TECTA: variants seen among roughly 807,000 people sequenced by gnomAD.
The protein encoded by TECTA is alpha-tectorin.
In TECTA, 128 loss-of-function variants were observed where a neutral mutation model predicts 216.8. The observed-to-expected ratio is 0.59, with a 90% CI of 0.51 to 0.68. TECTA has a LOEUF of 0.68. Ranked by LOEUF, TECTA falls within the 30% of genes least tolerant of loss-of-function variation. The pLI is 0.00. For missense variants in TECTA, 2,551 were observed against 2,786.2 expected (o/e 0.92, Z 1.90); for synonymous variants, 1,089 against 1,117.1 (o/e 0.97, Z 0.50).
intron 20 of TECTA, among the ~76,000 whole-genome samples, chr11:121,178,940 T>G (rs112580285): frequency 0.033 from 5,020 of 152,254 alleles, 89 homozygotes; most frequent in Non-Finnish European, 0.051. Flanking sequence ...AGTATTATCT[T>G]CTTTTTTATT....
intron 21 of TECTA, 87 bp downstream of exon 21, chr11:121,188,081 C>G (rs887838408): frequency 1.0e-5 from 15 of 1,447,598 alleles, no homozygotes; most frequent in Non-Finnish European, 1.4e-5. Context: ...GCCAGGTGAC[C>G]GGACTGGAAT....
At chr11:121,183,277 G>A (rs1185814046) in intron 20 of TECTA, among the ~76,000 whole-genome samples, 2 of 152,136 alleles carry the variant, frequency 1.3e-5, no homozygotes, top group African/African-American at 2.4e-5. Flanking sequence ...GGCTGGGCTC[G>A]CAACATGGCA....
intron 20 of TECTA, among the ~76,000 whole-genome samples, chr11:121,173,718 T>A (rs1947136749): frequency 6.6e-6 from 1 of 151,856 alleles, no homozygotes; most frequent in Admixed American, 6.6e-5. Flanking sequence ...TTTTTCCAAT[T>A]CTGTGAAGAA....
chr11:121,101,915 A>C (rs1221814230), intron 1 of TECTA, among the ~76,000 whole-genome samples: 3 of 152,234 alleles, frequency 2.0e-5, no homozygotes, highest in Non-Finnish European at 1.5e-5. Context: ...AACCGATTGT[A>C]AACTAACACG....
In TECTA at chr11:121,160,433, G is replaced by A. The variant is rs1946987863; in HGVS notation, c.4976+12G>A. On this transcript the variant is annotated intron_variant, in intron 15 of 23. Transcript: ENST00000392793. The stretch of plus-strand genomic sequence containing the variant: ...GGCATGCAGAAGAGGTGAGGGTGTA[G>A]GAGTTCAAGCCACTAGACTTGGTGG... The A allele has an allele frequency of 3.1e-6, 5 of 1,606,898 alleles. No individual in the cohort carries two copies. The highest frequency in any genetic ancestry group is 4.2e-6 in the Non-Finnish European group (5 of 1,179,734).
chr11:121,123,471 G>A (rs1946578980), intron 7 of TECTA, among the ~76,000 whole-genome samples: 1 of 152,048 alleles, frequency 6.6e-6, no homozygotes, highest in African/African-American at 2.4e-5. Flanking sequence ...CACCTCCCTG[G>A]ACTCCTGCAG....
At chr11:121,180,494 G>C (rs1169721947) in intron 20 of TECTA, among the ~76,000 whole-genome samples, 3 of 152,142 alleles carry the variant, frequency 2.0e-5, no homozygotes, top group African/African-American at 7.2e-5. Flanking sequence ...CTGTTGGTCT[G>C]ATGGGGTTCT....
intron 19 of TECTA, chr11:121,168,424 C>A: frequency 1.2e-6 from 1 of 828,920 alleles, no homozygotes; most frequent in Non-Finnish European, 1.9e-6. Flanking sequence ...AATGTGGTGG[C>A]TACATGTGGC....
chr11:121,149,640 G>T (rs931659960), intron 12 of TECTA, among the ~76,000 whole-genome samples: 29 of 152,182 alleles, frequency 1.9e-4, no homozygotes, highest in African/African-American at 5.8e-4. Flanking sequence ...GCAGAGCGAG[G>T]CCTCAAATCC....
chr11:121,150,439 G>A (rs1158819445), intron 12 of TECTA, among the ~76,000 whole-genome samples: 2 of 152,014 alleles, frequency 1.3e-5, no homozygotes, highest in African/African-American at 4.8e-5. Context: ...ATCTTGCAGT[G>A]GAGAGAACAT....
At chr11:121,131,560 A>G (rs1412864722) in intron 10 of TECTA, among the ~76,000 whole-genome samples, 1 of 152,360 alleles carries the variant, frequency 6.6e-6, no homozygotes, top group Non-Finnish European at 1.5e-5. Flanking sequence ...TGCCATTGAT[A>G]CAATACTATT....
chr11:121,171,721 T>C (rs1295624142), intron 20 of TECTA, among the ~76,000 whole-genome samples: 2 of 152,306 alleles, frequency 1.3e-5, no homozygotes, highest in East Asian at 3.9e-4. Context: ...GCTAGTTCAT[T>C]ATTGGTGTAT....
chr11:121,178,853 A>AT (rs1387866273), intron 20 of TECTA, among the ~76,000 whole-genome samples: 1 of 151,694 alleles, frequency 6.6e-6, no homozygotes, highest in Non-Finnish European at 1.5e-5. Flanking sequence ...GAATCTATCC[A>AT]TTTTCTGTAG....
Position 121,125,285 on chromosome 11 carries a change from A to G in TECTA, c.1204-17A>G, listed in dbSNP as rs1207138783. The G allele has an allele frequency of 1.2e-6, 2 of 1,609,916 alleles. No individual in the cohort carries two copies. Among genetic ancestry groups the G allele is most frequent in the Admixed American group, 1.7e-5 (1 of 60,026 alleles). On this transcript the variant is annotated splice_polypyrimidine_tract_variant and intron_variant, in intron 7 of 23. Transcript: ENST00000392793. ...GGCACCTGCTCACCTGCCTTTCACT[A>G]TTACTGTTGTTGGCAGGTTAATGAC...
In TECTA at chr11:121,189,047, G is replaced by A. The variant is rs765385917; in HGVS notation, c.6163-33G>A. 5 of 1,607,946 alleles carry A rather than the reference G, an allele frequency of 3.1e-6. No individual in the cohort carries two copies. The Admixed American group carries it at 5.0e-5, about 16-fold the overall frequency. ...AAGAATAAGTTATCAGCTTAATTGT[G>A]TGAAAATTTCCCCCTGGTATTCTGT... On this transcript the variant is annotated intron_variant, in intron 21 of 23. Transcript: ENST00000392793.
chr11:121,125,611 G>A lies in TECTA; in HGVS notation c.1513G>A (p.Asp505Asn), dbSNP rs770474140. ...CTGGAAGTGCGACTCCGGCTGCGTC[G>A]ACAACTGCACCCAGTGCGACGCTGC... The part of the protein sequence containing the change: ...ADWKCDSGCV[D>N]NCTQCDAATE... Residue 505 changes from aspartate (D) to asparagine (N), a missense_variant, in exon 8 of 24, where the codon GAC (aspartate) becomes AAC (asparagine). Physicochemically the swap from Asp to Asn is conservative, Grantham distance 23. This residue lies in a region of TECTA where 2,375 missense variants were observed against 2,563.9 expected (regional missense o/e 0.93). Transcript: ENST00000392793. 1.9e-5 allele frequency: 31 copies of A among 1,613,584 alleles called. No individual in the cohort carries two copies. Among genetic ancestry groups the A allele is most frequent in the East Asian group, 1.1e-4 (5 of 44,888 alleles).
At chr11:121,155,704 C>T (rs565236498) in intron 13 of TECTA, among the ~76,000 whole-genome samples, 9 of 152,244 alleles carry the variant, frequency 5.9e-5, no homozygotes, top group Non-Finnish European at 8.8e-5. Flanking sequence ...TTCTGGATAA[C>T]GCTATTTTGG....
In TECTA at chr11:121,189,900, G is replaced by A; in HGVS notation, c.6367+20G>A. ...GCAGAGGTAGACACTCTTCTACCCT[G>A]GGGCAGGCAGCTGGGAGACACGGGA... On this transcript the variant is annotated intron_variant, in intron 23 of 23. Transcript: ENST00000392793. 7 of 1,592,840 alleles carry A rather than the reference G, an allele frequency of 4.4e-6. No individual in the cohort carries two copies. The Middle Eastern group carries it at 1.1e-3, about 243-fold the overall frequency.
chr11:121,165,184 A>T, intron 16 of TECTA, 89 bp from the exon 17 acceptor site: 2 of 1,247,372 alleles, frequency 1.6e-6, no homozygotes, highest in Non-Finnish European at 1.1e-6. Flanking sequence ...CAATGTGATT[A>T]AAGTGGCAAG....
Sources: allele counts gnomAD v4.1 joint callset (sites outside exome capture counted in the v4.1 genomes callset), GRCh38; gene constraint gnomAD v4.1.1; regional missense constraint gnomAD v4.1.1; transcripts MANE v1.5; gene names NCBI Gene and HGNC (gene_info 2026-07-23, HGNC 2026-07-21).